UBA7: variants seen among roughly 807,000 people sequenced by gnomAD.
The protein encoded by UBA7 is ubiquitin-like modifier-activating enzyme 7.
Under a neutral mutation model 113.0 loss-of-function variants are expected in UBA7, and 88 were observed. The ratio of observed to expected loss-of-function variants is 0.78; its 90% CI spans 0.66 to 0.93. The LOEUF is 0.93. UBA7 is among the 40% of genes least tolerant of loss of function. The pLI is 0.00. For synonymous variants in UBA7, 459 were observed against 513.0 expected (o/e 0.89, Z 1.42); for missense variants, 1,092 against 1,266.4 (o/e 0.86, Z 2.09).
At chr3:49,812,913 AG>A in intron 4 of UBA7, 148 bp downstream of exon 4, 1 of 1,155,686 alleles carries the variant, frequency 8.7e-7, no homozygotes, top group Admixed American at 2.1e-5. Flanking sequence ...GAGGAACCAG[AG>A]GGCAGGACTG....
At chr3:49,808,186 A>T (rs2081487051) in intron 19 of UBA7, 74 bp from the exon 20 acceptor site, 3 of 1,571,346 alleles carry the variant, frequency 1.9e-6, no homozygotes, top group Non-Finnish European at 1.7e-6. Context: ...GTGTCACTGC[A>T]CAAGTCTCCA....
chr3:49,810,669 C>T lies in UBA7; in HGVS notation c.1315G>A (p.Gly439Ser). The T allele has an allele frequency of 6.2e-7, 1 of 1,614,098 alleles. No homozygotes were observed. The highest frequency in any genetic ancestry group is 8.5e-7 in the Non-Finnish European group (1 of 1,179,968). The change falls in exon 12 of 24, where the codon GGC (glycine) becomes AGC (serine). Residue 439 changes from glycine to serine, a missense_variant. By Grantham distance (56) the Gly-to-Ser change is moderately conservative. This residue lies in a region of UBA7 where 584 missense variants were observed against 714.5 expected (regional missense o/e 0.82). Coordinates refer to ENST00000333486, the MANE Select transcript of UBA7 (RefSeq NM_003335.3). The surrounding 1 kb of genome is among the most constrained non-coding windows in gnomAD (Gnocchi z 5.6). ...AGCTCACAACCAATGGCACCAGCGC[C>T]CACCTGTTGGCAGGAACAGCCTTAG... ...KLRRQHYLLV[G>S]AGAIGCELLK... is the part of the protein sequence containing the mutation.
chr3:49,810,439 G>A lies in UBA7; in HGVS notation c.1468-11C>T. The A allele has an allele frequency of 6.2e-7, 1 of 1,614,114 alleles. No individual in the cohort carries two copies. Among genetic ancestry groups the A allele is most frequent in the African/African-American group, 1.3e-5 (1 of 75,050 alleles). ...CTCTGCCTTGGGTCTCTGGGAAGAA[G>A]GCAGGAAGATGTTGGGTGGGAAGCT... On this transcript the variant is annotated splice_polypyrimidine_tract_variant and intron_variant, in intron 12 of 23. Coordinates refer to ENST00000333486, the MANE Select transcript of UBA7 (RefSeq NM_003335.3). This position sits in a 1 kb window ranked among gnomAD's most constrained non-coding sequence, Gnocchi z 5.6.
chr3:49,809,291 C>T, intron 17 of UBA7, 99 bp downstream of exon 17: 1 of 1,543,616 alleles, frequency 6.5e-7, no homozygotes, highest in East Asian at 2.3e-5. Flanking sequence ...GCATGGCTCT[C>T]TCTGGGCATC....
At position 49,812,438 on chromosome 3, in the gene UBA7, CG is replaced by C. The variant is rs2081565539; in HGVS notation, c.663del (p.Asn221LysfsTer42). 6.2e-7 allele frequency: 1 copy of C among 1,614,222 alleles called. No homozygotes were observed. Among genetic ancestry groups the C allele is most frequent in the Non-Finnish European group, 8.5e-7 (1 of 1,180,034 alleles). On this transcript the variant is annotated frameshift_variant, in exon 6 of 24. Transcript: ENST00000333486. LOFTEE classifies it high-confidence loss of function. ...FSGIEGMVEL[N>X]DCDPRSIHVR... Reference sequence around the variant, plus strand: ...ACGTGGATAGACCGGGGATCACAGTCGTTGAGCTCAACCATTCCCTCAATTC... The same window carrying C: ...ACGTGGATAGACCGGGGATCACAGTCTTGAGCTCAACCATTCCCTCAATTC...
chr3:49,810,930 T>C lies in UBA7; in HGVS notation c.1230+54A>G. 1 of 1,609,562 alleles carries C rather than the reference T, an allele frequency of 6.2e-7. No individual in the cohort carries two copies. Among genetic ancestry groups the C allele is most frequent in the South Asian group, 1.1e-5 (1 of 90,948 alleles). On this transcript the variant is annotated intron_variant, in intron 10 of 23. Transcript: ENST00000333486. The surrounding 1 kb of genome is among the most constrained non-coding windows in gnomAD (Gnocchi z 5.6). ...GGACCTGGAGGGCATTCCTCATGCT[T>C]CTCCCCTAGTCCTGATTTTGGACAA...
In UBA7 at chr3:49,810,172, C is replaced by G; in HGVS notation, c.1645G>C (p.Ala549Pro). 1 of 1,613,094 alleles carries G rather than the reference C, an allele frequency of 6.2e-7. No individual in the cohort carries two copies. Among genetic ancestry groups the G allele is most frequent in the Non-Finnish European group, 8.5e-7 (1 of 1,179,848 alleles). The change falls in exon 14 of 24, where the codon GCT becomes CCT. Residue 549 changes from alanine (A) to proline (P), a missense_variant. Transcript: ENST00000333486. The surrounding 1 kb of genome is among the most constrained non-coding windows in gnomAD (Gnocchi z 5.6). ...LDSFQARRYVAARCTHYLKPL... is the reference protein window; with the variant it reads ...LDSFQARRYVPARCTHYLKPL... Reference sequence around the variant, plus strand: ...TTCAGATAGTGGGTGCAACGAGCAGCCACATAGCGCCCTGGCAAGGGAGCA... The same window carrying G: ...TTCAGATAGTGGGTGCAACGAGCAGGCACATAGCGCCCTGGCAAGGGAGCA...
At position 49,809,536 on chromosome 3, in the gene UBA7, A is replaced by C. The variant is rs746155594; in HGVS notation, c.2088+6T>G. On this transcript the variant is annotated splice_donor_region_variant and intron_variant, in intron 16 of 23. Transcript: ENST00000333486. ...GCCCCCAGCGTCCCAACCCCTAGCC[A>C]CACACTTTATTAGGTGGGAAGTGCC... The C allele has an allele frequency of 1.2e-6, 2 of 1,613,836 alleles. No homozygotes were observed. Among genetic ancestry groups the C allele is most frequent in the Admixed American group, 1.7e-5 (1 of 59,998 alleles).
chr3:49,811,322 C>T lies in UBA7; in HGVS notation c.1073G>A (p.Ser358Asn). ...TVALSSAGVL[S>N]PMVAMLGAVA... ...TGCACCCAGCATGGCCACCATAGGG[C>T]TCAAGACACCTGCACTGCTTAGGGC... Residue 358 changes from serine to asparagine, a missense_variant, in exon 9 of 24, where the codon AGC becomes AAC. Around this residue, in one of 3 missense-constraint regions of UBA7, gnomAD observed 584 missense variants for 714.5 expected, o/e 0.82. Transcript: ENST00000333486. The T allele has an allele frequency of 6.2e-7, 1 of 1,614,208 alleles. No homozygotes were observed. The highest frequency in any genetic ancestry group is 2.2e-5 in the East Asian group (1 of 44,886).
rs973786198 is a variant in UBA7, at chr3:49,812,180, T to C, written c.721A>G (p.Thr241Ala). Reference sequence around the variant, plus strand: ...CGCAAGTACCGAGAGAAAGTTGTTGTGTCTCCAATCTCCAGGGACCCATCC... The same window carrying C: ...CGCAAGTACCGAGAGAAAGTTGTTGCGTCTCCAATCTCCAGGGACCCATCC... ...REDGSLEIGD[T>A]TTFSRYLRGG... Residue 241 changes from threonine (T) to alanine (A), a missense_variant, in exon 7 of 24, where the codon ACA (threonine) becomes GCA (alanine). This residue lies in a region of UBA7 where 584 missense variants were observed against 714.5 expected (regional missense o/e 0.82). Coordinates refer to ENST00000333486, the MANE Select transcript of UBA7 (RefSeq NM_003335.3). The C allele has an allele frequency of 1.9e-6, 3 of 1,614,082 alleles. No homozygotes were observed. In the African/African-American group the frequency reaches 4.0e-5, roughly 22 times the overall value.
rs1481464065 is a variant in UBA7, at chr3:49,808,983, A to G, written c.2340T>C (p.Ala780=). The change falls in exon 18 of 24, where the codon GCT becomes GCC. Residue 780 remains alanine, a synonymous_variant. Transcript: ENST00000333486. ...CAGGGCCAGGAGCCTCACCAAACTCAGCAGAAGCCGAAGCCAGCTCTAGAT... is the reference window on the plus strand; with the variant it reads ...CAGGGCCAGGAGCCTCACCAAACTCGGCAGAAGCCGAAGCCAGCTCTAGAT... ...ASNLELASAS[A]EFGPEQQKEL... is the part of the protein sequence containing the mutation. 6.2e-7 allele frequency: 1 copy of G among 1,613,240 alleles called. No individual in the cohort carries two copies. The highest frequency in any genetic ancestry group is 1.1e-5 in the South Asian group (1 of 91,014).
At chr3:49,809,512 C>T in intron 16 of UBA7, 30 bp downstream of exon 16, 1 of 1,613,664 alleles carries the variant, frequency 6.2e-7, no homozygotes, top group Middle Eastern at 1.6e-4. Flanking sequence ...TCCCCCTGAG[C>T]CCCCAGCGTC....
Position 49,805,243 on chromosome 3 carries a change from G to C in UBA7, c.*65C>G. ...CAAGCATTTATTGAGTGCCTACTGT[G>C]GGCTTACAATGCAGGGCTTGGGATC... On this transcript the variant is annotated 3_prime_UTR_variant, in exon 24 of 24. Coordinates refer to ENST00000333486, the MANE Select transcript of UBA7 (RefSeq NM_003335.3). 1 of 1,505,586 alleles carries C rather than the reference G, an allele frequency of 6.6e-7. No homozygotes were observed. The highest frequency in any genetic ancestry group is 9.2e-7 in the Non-Finnish European group (1 of 1,089,806). The allele number at this position is 1,505,586 out of a possible 1,614,324, so 93.3% of individuals were successfully genotyped here.
chr3:49,810,180 C>G lies in UBA7; in HGVS notation c.1637G>C (p.Arg546Pro). 6.2e-7 allele frequency: 1 copy of G among 1,612,992 alleles called. No individual in the cohort carries two copies. Among genetic ancestry groups the G allele is most frequent in the South Asian group, 1.1e-5 (1 of 91,064 alleles). ...GTGGGTGCAACGAGCAGCCACATAG[C>G]GCCCTGGCAAGGGAGCAGTGGGTCA... ...AAALDSFQAR[R>P]YVAARCTHYL... The change falls in exon 14 of 24, where the codon CGC becomes CCC. Residue 546 changes from arginine (R) to proline (P), a missense_variant. Coordinates refer to ENST00000333486, the MANE Select transcript of UBA7 (RefSeq NM_003335.3). This position sits in a 1 kb window ranked among gnomAD's most constrained non-coding sequence, Gnocchi z 5.6.
At position 49,810,933 on chromosome 3, in the gene UBA7, C is replaced by T. The variant is rs1341446655; in HGVS notation, c.1230+51G>A. 1.9e-6 allele frequency: 3 copies of T among 1,610,884 alleles called. No individual in the cohort carries two copies. Among genetic ancestry groups the T allele is most frequent in the African/African-American group, 2.7e-5 (2 of 74,834 alleles). On this transcript the variant is annotated intron_variant, in intron 10 of 23. Transcript: ENST00000333486. This position sits in a 1 kb window ranked among gnomAD's most constrained non-coding sequence, Gnocchi z 5.6. ...CCTGGAGGGCATTCCTCATGCTTCT[C>T]CCCTAGTCCTGATTTTGGACAAGGC...
intron 21 of UBA7, among the ~76,000 whole-genome samples, chr3:49,806,524 G>T (rs1324662947): frequency 6.6e-6 from 1 of 152,092 alleles, no homozygotes. Flanking sequence ...GAGCTGGGGG[G>T]CACATCCTGT....
In UBA7 at chr3:49,813,667, G is replaced by A; in HGVS notation, c.57-20C>T. On this transcript the variant is annotated intron_variant, in intron 1 of 23. Coordinates refer to ENST00000333486, the MANE Select transcript of UBA7 (RefSeq NM_003335.3). ...ACATACCTGTGGATGGGAAGCAGAA[G>A]GCAAGCAGTTGTAGATCAAGGTCTG... 1 of 1,614,232 alleles carries A rather than the reference G, an allele frequency of 6.2e-7. No individual in the cohort carries two copies. Among genetic ancestry groups the A allele is most frequent in the Non-Finnish European group, 8.5e-7 (1 of 1,180,040 alleles).
At chr3:49,806,380 C>T (rs2081453787) in intron 21 of UBA7, 2 of 594,542 alleles carry the variant, frequency 3.4e-6, no homozygotes. Flanking sequence ...GGGGCCCGCA[C>T]AGGGAAACAG....
chr3:49,805,881 C>T lies in UBA7; in HGVS notation c.2909+16G>A. The T allele has an allele frequency of 6.4e-7, 1 of 1,550,856 alleles. No homozygotes were observed. The highest frequency in any genetic ancestry group is 8.7e-7 in the Non-Finnish European group (1 of 1,146,952). ...AGGGACTGGTGGGGCCTGTCTAAAG[C>T]CCCAAGTGGGCTCACCTGAGGGGCA... On this transcript the variant is annotated intron_variant, in intron 23 of 23. Transcript: ENST00000333486.
Sources: allele counts gnomAD v4.1 joint callset (sites outside exome capture counted in the v4.1 genomes callset), GRCh38; gene constraint gnomAD v4.1.1; regional missense constraint gnomAD v4.1.1; non-coding constraint Gnocchi (gnomAD v3.1); transcripts MANE v1.5; gene names NCBI Gene and HGNC (gene_info 2026-07-23, HGNC 2026-07-21).